LSAMP: variants seen among roughly 807,000 people sequenced by gnomAD.
LSAMP encodes limbic system-associated membrane protein.
In LSAMP, 7 loss-of-function variants were observed where a neutral mutation model predicts 38.6. The observed-to-expected ratio is 0.18, with a 90% CI of 0.10 to 0.34. LSAMP has a LOEUF of 0.34. Among genes scored for constraint, LSAMP ranks in the 10% least tolerant of loss-of-function variants. The probability of loss-of-function intolerance (pLI) is 1.00; values close to 1 mark genes in which losing one functional copy is unlikely to be tolerated. For missense variants in LSAMP, 313 were observed against 420.0 expected (o/e 0.75, Z 2.23); for synonymous variants, 154 against 166.8 (o/e 0.92, Z 0.59).
chr3:116,407,992 T>C (rs760391256), intron 1 of LSAMP, among the ~76,000 whole-genome samples: 2 of 152,066 alleles, frequency 1.3e-5, no homozygotes, highest in Non-Finnish European at 2.9e-5. Flanking sequence ...GAGCCTAATG[T>C]AAGCTTATTA....
intron 1 of LSAMP, among the ~76,000 whole-genome samples, chr3:116,341,149 A>C (rs1441955142): frequency 6.6e-6 from 1 of 152,060 alleles, no homozygotes; most frequent in Non-Finnish European, 1.5e-5. Context: ...TGGAGTCTCT[A>C]TGAAAATATA....
intron 1 of LSAMP, among the ~76,000 whole-genome samples, chr3:116,246,873 G>C (rs2046611870): frequency 6.6e-6 from 1 of 152,126 alleles, no homozygotes; most frequent in African/African-American, 2.4e-5. Flanking sequence ...TAGTGGTGAA[G>C]ATAAGTCATA....
At chr3:116,171,272 A>G (rs1710191614) in intron 1 of LSAMP, among the ~76,000 whole-genome samples, 1 of 152,146 alleles carries the variant, frequency 6.6e-6, no homozygotes, top group African/African-American at 2.4e-5. Context: ...CCAATTGCTG[A>G]GAAGGGGAAT....
intron 2 of LSAMP, among the ~76,000 whole-genome samples, chr3:116,064,012 A>G (rs1476171215): frequency 6.6e-6 from 1 of 152,230 alleles, no homozygotes; most frequent in African/African-American, 2.4e-5. Flanking sequence ...AACATAGAGT[A>G]ATGAATTAAT....
intron 1 of LSAMP, among the ~76,000 whole-genome samples, chr3:116,163,658 T>C (rs1709957239): frequency 6.6e-6 from 1 of 152,098 alleles, no homozygotes. Flanking sequence ...CCACACTGAA[T>C]TCCACGATGG....
chr3:116,171,128 T>C (rs1221129765), intron 1 of LSAMP, among the ~76,000 whole-genome samples: 1 of 152,168 alleles, frequency 6.6e-6, no homozygotes, highest in Non-Finnish European at 1.5e-5. Flanking sequence ...TCCTTATCTA[T>C]AAATGGAGGT....
intron 1 of LSAMP, among the ~76,000 whole-genome samples, chr3:116,390,891 C>T (rs1676664092): frequency 6.6e-6 from 1 of 152,122 alleles, no homozygotes. Context: ...CAATCTCCTA[C>T]CATTTTCATG....
At chr3:116,000,886 T>C (rs1006970279) in intron 3 of LSAMP, among the ~76,000 whole-genome samples, 9 of 152,192 alleles carry the variant, frequency 5.9e-5, no homozygotes, top group Admixed American at 5.9e-4. Context: ...AGAGTAACCA[T>C]GGGACCTCCT....
rs777479918 is a variant in LSAMP, at chr3:115,842,551, C to A, written c.677G>T (p.Ser226Ile). 2.5e-6 allele frequency: 4 copies of A among 1,613,646 alleles called. No homozygotes were observed. The highest frequency in any genetic ancestry group is 2.5e-6 in the Non-Finnish European group (3 of 1,179,734). Residue 226 changes from serine to isoleucine, a missense_variant, in exon 5 of 7, where the codon AGC becomes ATC. By Grantham distance (142) the Ser-to-Ile change is moderately radical (BLOSUM62 -2). Transcript: ENST00000490035. Reference sequence around the variant, plus strand: ...TTGTCGTCCTGTGGTGGCTTCATTGCTCTTGGATTCTGTGATAGTGGGAGG... The same window carrying A: ...TTGTCGTCCTGTGGTGGCTTCATTGATCTTGGATTCTGTGATAGTGGGAGG... ...NYPPTITESKSNEATTGRQAS... is the reference protein window; with the variant it reads ...NYPPTITESKINEATTGRQAS...
chr3:115,868,702 T>A (rs1476139997), intron 3 of LSAMP, among the ~76,000 whole-genome samples: 1 of 152,188 alleles, frequency 6.6e-6, no homozygotes, highest in Non-Finnish European at 1.5e-5. Context: ...AAAGCTCTAA[T>A]GTAATTTAAT....
At chr3:116,195,690 A>G (rs1710865878) in intron 1 of LSAMP, among the ~76,000 whole-genome samples, 1 of 147,796 alleles carries the variant, frequency 6.8e-6, no homozygotes. Context: ...AAACTGTTCT[A>G]GGATAAAAGT....
rs372760180 is a variant in LSAMP at position 115,845,559 on chromosome 3, G to A, written c.650-2981C>T. On this transcript the variant is annotated intron_variant, in intron 4 of 6. Transcript: ENST00000490035. ...TCCTTTTGGGACCAAGCTTCTGGCC[G>A]GTAGCAGAGGTTCTCCTCTTTTCTC... Among the ~76,000 whole-genome samples the A allele has an allele frequency of 8.3e-5, 11 of 132,488 alleles. 1 individual carries two copies. The highest frequency in any genetic ancestry group is 4.5e-4 in the South Asian group (2 of 4,460). 86.9% of individuals were successfully genotyped at this position (132,488 alleles called of 152,430 possible).
rs181464610 is a variant in LSAMP at position 115,919,179 on chromosome 3, T to C, written c.515-66562A>G. Among the ~76,000 whole-genome samples the C allele has an allele frequency of 1.1e-3, 165 of 152,288 alleles. 1 individual carries two copies. The Middle Eastern group carries it at 0.024, about 22-fold the overall frequency. The stretch of plus-strand genomic sequence containing the variant: ...GGATATTGGGTTGTCAATAGGACAT[T>C]CTAAATTTAGCTTCCTGAATCTAGA... On this transcript the variant is annotated intron_variant, in intron 3 of 6. Transcript: ENST00000490035.
chr3:115,980,421 C>A (rs1174121823), intron 3 of LSAMP, among the ~76,000 whole-genome samples: 2 of 151,892 alleles, frequency 1.3e-5, no homozygotes, highest in African/African-American at 4.8e-5. Context: ...GGAAAATAAG[C>A]CCTATGGTGA....
At chr3:116,119,058 A>G (rs1379123499) in intron 1 of LSAMP, among the ~76,000 whole-genome samples, 2 of 152,184 alleles carry the variant, frequency 1.3e-5, no homozygotes, top group Non-Finnish European at 1.5e-5. Flanking sequence ...TTATAGCACT[A>G]TATATTCTGA....
intron 1 of LSAMP, among the ~76,000 whole-genome samples, chr3:116,105,890 G>A (rs180699527): frequency 0.02 from 2,985 of 152,182 alleles, 43 homozygotes; most frequent in Non-Finnish European, 0.029. Context: ...GAGAATGGGC[G>A]ATGTTTCTCA....
chr3:116,359,847 A>C (rs1278472250), intron 1 of LSAMP, among the ~76,000 whole-genome samples: 2 of 152,224 alleles, frequency 1.3e-5, no homozygotes, highest in African/African-American at 4.8e-5. Flanking sequence ...TTAAAGACTA[A>C]AATGTGAAAC....
chr3:116,252,166 C>T (rs145025466), intron 1 of LSAMP, among the ~76,000 whole-genome samples: 1 of 152,302 alleles, frequency 6.6e-6, no homozygotes, highest in East Asian at 1.9e-4. Context: ...CACAGCCTAT[C>T]CTATGCCACA....
intron 2 of LSAMP, among the ~76,000 whole-genome samples, chr3:116,075,593 G>T (rs1707723105): frequency 6.7e-6 from 1 of 149,602 alleles, no homozygotes; most frequent in Non-Finnish European, 1.5e-5. Context: ...CCAGGCTGGA[G>T]TGCAGTGGCA....
Sources: gnomAD v4.1 joint callset for allele counts (sites outside exome capture counted in the v4.1 genomes callset) on GRCh38, gnomAD v4.1.1 for gene constraint, MANE v1.5 for transcripts, NCBI Gene and HGNC (gene_info 2026-07-23, HGNC 2026-07-21) for gene names.